The following SMG5 variants were observed in gnomAD, a reference collection of about 807,000 sequenced individuals.
SMG5 encodes nonsense-mediated mRNA decay factor SMG5.
A neutral mutation model predicts 122.9 loss-of-function variants in SMG5; 53 were observed. That is an observed-to-expected ratio of 0.43 (90% CI 0.35 to 0.54). The LOEUF (loss-of-function observed/expected upper bound fraction) is 0.54. Ranked by LOEUF, SMG5 falls within the 20% of genes least tolerant of loss-of-function variation. SMG5 has a pLI of 0.01. For missense variants in SMG5, 1,153 were observed against 1,285.6 expected, an observed-to-expected ratio of 0.90 and a Z score of 1.58; for synonymous variants, 477 against 490.2, an observed-to-expected ratio of 0.97 and a Z score of 0.35.
chr1:156,253,844 G>A, intron 16 of SMG5: 1 of 356,158 alleles, frequency 2.8e-6, no homozygotes, highest in Non-Finnish European at 5.4e-6. Flanking sequence ...TCCCTTCCCA[G>A]GAGATCCTAC....
chr1:156,257,637 G>A (rs185572209), intron 16 of SMG5, among the ~76,000 whole-genome samples: 2 of 152,268 alleles, frequency 1.3e-5, no homozygotes, highest in Admixed American at 6.5e-5. Context: ...CTATGGACTA[G>A]CAATAAAAGC....
At position 156,249,458 on chromosome 1, in the gene SMG5, G is replaced by GA. The variant is rs1476614556; in HGVS notation, c.*1128dup. The GA allele has an allele frequency of 2.3e-5, 8 of 343,184 alleles. No homozygotes were observed. Among genetic ancestry groups the GA allele is most frequent in the African/African-American group, 1.3e-4 (6 of 46,608 alleles). 21.3% of individuals were successfully genotyped at this position (343,184 alleles called of 1,614,324 possible). On this transcript the variant is annotated 3_prime_UTR_variant, in exon 22 of 22. Coordinates refer to ENST00000361813, the MANE Select transcript of SMG5 (RefSeq NM_015327.3). ...CTAGCCTGTGCTATCCTCCCAGCCT[G>GA]AGGGGGAGGAGCTGAGGCAATCCTG... is the stretch of plus-strand genomic sequence containing the variant.
upstream of SMG5, among the ~76,000 whole-genome samples, chr1:156,283,415 G>GAC (rs1663058076): frequency 1.3e-5 from 2 of 152,132 alleles, no homozygotes; most frequent in African/African-American, 4.8e-5. Flanking sequence ...CAAGATTCTA[G>GAC]ACACACAGAG....
At chr1:156,269,003 C>T (rs981805777) in intron 7 of SMG5, among the ~76,000 whole-genome samples, 3 of 151,012 alleles carry the variant, frequency 2.0e-5, no homozygotes, top group African/African-American at 7.3e-5. Flanking sequence ...CTGAGTCTCA[C>T]TCTATCACCC....
At chr1:156,286,436 C>G (rs1172460291), upstream of SMG5, 1 of 1,614,110 alleles carries the variant, frequency 6.2e-7, no homozygotes, top group Admixed American at 1.7e-5. Flanking sequence ...TACCCTCAAA[C>G]TGCTCCCTCT....
chr1:156,249,362 A>C lies in SMG5; in HGVS notation c.*1225T>G, dbSNP rs761247697. On this transcript the variant is annotated 3_prime_UTR_variant, in exon 22 of 22. Coordinates refer to ENST00000361813, the MANE Select transcript of SMG5 (RefSeq NM_015327.3). ...GAGGCAGGAAGCCAACTATCCTCTAAGCCACAGCTTGGGAAGCTAGGCTAG... is the reference window on the plus strand; with the variant it reads ...GAGGCAGGAAGCCAACTATCCTCTACGCCACAGCTTGGGAAGCTAGGCTAG... 4.5e-6 allele frequency: 1 copy of C among 223,572 alleles called. No individual in the cohort carries two copies. Among genetic ancestry groups the C allele is most frequent in the Admixed American group, 5.2e-5 (1 of 19,152 alleles). The allele number at this position is 223,572 out of a possible 1,614,324, so 13.8% of individuals were successfully genotyped here.
At chr1:156,267,249 G>A (rs1346053882) in intron 10 of SMG5, among the ~76,000 whole-genome samples, 1 of 152,202 alleles carries the variant, frequency 6.6e-6, no homozygotes, top group African/African-American at 2.4e-5. Flanking sequence ...ATGGGAGGCA[G>A]TAAGGAGAAG....
intron 11 of SMG5, 46 bp from the exon 12 acceptor site, chr1:156,266,426 C>G: frequency 1.2e-6 from 2 of 1,600,562 alleles, no homozygotes; most frequent in Non-Finnish European, 1.7e-6. Flanking sequence ...ACAGGTGGAG[C>G]CTGGAAGCTG....
chr1:156,289,197 A>G, the SMG5 span, among the ~76,000 whole-genome samples: 1 of 152,244 alleles, frequency 6.6e-6, no homozygotes, highest in Non-Finnish European at 1.5e-5. Context: ...ACTTGGTGCC[A>G]GGCGTGGTGG....
chr1:156,264,466 G>C (rs774026549), intron 12 of SMG5, among the ~76,000 whole-genome samples: 3 of 152,036 alleles, frequency 2.0e-5, no homozygotes, highest in Non-Finnish European at 4.4e-5. Context: ...CAATAAGTAA[G>C]AAATATTCTG....
At chr1:156,285,927 C>A (rs1663145830), upstream of SMG5, 1 of 1,604,672 alleles carries the variant, frequency 6.2e-7, no homozygotes, top group African/African-American at 1.3e-5. Context: ...ACCATGAGTT[C>A]CCGCCTGATC....
rs755703048 is a variant in SMG5, at chr1:156,282,666, G to A, written c.15C>T (p.Pro5=). The change falls in exon 1 of 22, where the codon CCC becomes CCT. Residue 5 remains proline (P), a synonymous_variant. Coordinates refer to ENST00000361813, the MANE Select transcript of SMG5 (RefSeq NM_015327.3). ...CGGGCTCGCTGCTCTCCCCTGTGGGGGGGCCTTGGCTCATGGTGCCCGGGT... is the reference window on the plus strand; with the variant it reads ...CGGGCTCGCTGCTCTCCCCTGTGGGAGGGCCTTGGCTCATGGTGCCCGGGT... The part of the protein sequence containing the change: MSQG[P]PTGESSEPEA... The A allele has an allele frequency of 1.2e-6, 2 of 1,605,686 alleles. No homozygotes were observed. Among genetic ancestry groups the A allele is most frequent in the Middle Eastern group, 1.7e-4 (1 of 6,060 alleles).
intron 14 of SMG5, 96 bp from the exon 15 acceptor site, chr1:156,260,722 G>T: frequency 8.6e-7 from 1 of 1,167,688 alleles, no homozygotes; most frequent in Non-Finnish European, 1.2e-6. Context: ...AGGCTGATGA[G>T]ATGATGAGGC....
chr1:156,258,111 A>G (rs561491490), intron 16 of SMG5, among the ~76,000 whole-genome samples: 15 of 152,230 alleles, frequency 9.9e-5, no homozygotes, highest in Non-Finnish European at 5.9e-5. Flanking sequence ...GATGGAAAAG[A>G]GGTACCACAG....
In SMG5 at chr1:156,260,468, G is replaced by A; in HGVS notation, c.2266C>T (p.Leu756Phe). The change falls in exon 15 of 22, where the codon CTC (leucine) becomes TTC (phenylalanine). Residue 756 changes from leucine (L) to phenylalanine (F), a missense_variant. This residue lies in a region of SMG5 where 631 missense variants were observed against 650.6 expected (regional missense o/e 0.97). Transcript: ENST00000361813. ...ATCCTTACCTCCTCTAAGGTGCTGA[G>A]CAGGGGCCGATCCGTGTCAAAGTTA... ...RFNFDTDRPL[L>F]STLEESVVRI... 6.3e-7 allele frequency: 1 copy of A among 1,597,468 alleles called. No homozygotes were observed. Among genetic ancestry groups the A allele is most frequent in the East Asian group, 2.3e-5 (1 of 43,284 alleles).
chr1:156,259,181 A>G lies in SMG5; in HGVS notation c.2284-18T>C. On this transcript the variant is annotated intron_variant, in intron 15 of 21. Transcript: ENST00000361813. ...ACCACTGACTGTGGGGAGATACAGG[A>G]GCCCAGCGCTGCTGAGCAGGGCCCT... 2 of 1,548,362 alleles carry G rather than the reference A, an allele frequency of 1.3e-6. No individual in the cohort carries two copies. The highest frequency in any genetic ancestry group is 8.7e-7 in the Non-Finnish European group (1 of 1,147,076).
upstream of SMG5, among the ~76,000 whole-genome samples, chr1:156,284,092 C>G (rs534063112): frequency 2.6e-5 from 4 of 152,352 alleles, no homozygotes; most frequent in East Asian, 7.7e-4. Context: ...CACTTTTCTC[C>G]CTCTGCTTTC....
At chr1:156,260,715 C>T in intron 14 of SMG5, 89 bp from the exon 15 acceptor site, 1 of 1,238,812 alleles carries the variant, frequency 8.1e-7, no homozygotes, top group Non-Finnish European at 1.1e-6. Context: ...AATTATCAGG[C>T]TGATGAGATG....
intron 7 of SMG5, among the ~76,000 whole-genome samples, chr1:156,268,794 A>G (rs1293428643): frequency 6.6e-6 from 1 of 152,190 alleles, no homozygotes; most frequent in Non-Finnish European, 1.5e-5. Context: ...TACATGCACT[A>G]TTTCAGTTAA....
Sources: allele counts gnomAD v4.1 joint callset (sites outside exome capture counted in the v4.1 genomes callset), GRCh38; gene constraint gnomAD v4.1.1; regional missense constraint gnomAD v4.1.1; transcripts MANE v1.5; gene names NCBI Gene and HGNC (gene_info 2026-07-23, HGNC 2026-07-21).